Variants in KIAA1671 observed in about 807,000 individuals in gnomAD.
KIAA1671 encodes the protein uncharacterized protein KIAA1671.
KIAA1671 carries 52 observed loss-of-function variants against 131.2 expected under a neutral mutation model. That is an observed-to-expected ratio of 0.40 (90% CI 0.32 to 0.50). KIAA1671 has a LOEUF of 0.50. Ranked by LOEUF, KIAA1671 falls within the 20% of genes least tolerant of loss-of-function variation. The pLI, the probability that KIAA1671 is intolerant of heterozygous loss-of-function variation, is 0.73. For synonymous variants in KIAA1671, 1,003 were observed against 961.6 expected (o/e 1.04, Z -0.80); for missense variants, 2,360 against 2,364.2 (o/e 1.00, Z 0.04).
rs1602089757 is a variant in KIAA1671, at chr22:25,039,845, A to G, written c.2715A>G (p.Ala905=). The change falls in exon 5 of 13, where the codon GCA becomes GCG. Residue 905 remains alanine (A), a synonymous_variant. Transcript: ENST00000358431. ...SDSQARTHPD[A]FAVQKGPFIV... is the part of the protein sequence containing the mutation. ...CCCAAGCACGAACACATCCAGATGC[A>G]TTTGCTGTGCAGAAAGGGCCCTTCA... 6.5e-7 allele frequency: 1 copy of G among 1,549,654 alleles called. No homozygotes were observed. The highest frequency in any genetic ancestry group is 2.4e-5 in the East Asian group (1 of 40,868).
At chr22:25,093,934 G>A (rs754394561) in intron 6 of KIAA1671, among the ~76,000 whole-genome samples, 3 of 145,842 alleles carry the variant, frequency 2.1e-5, no homozygotes, top group Non-Finnish European at 3.0e-5. Context: ...ATGCTGGTTT[G>A]CAGGCACTTT....
chr22:25,178,776 C>G (rs1397559426), intron 9 of KIAA1671, among the ~76,000 whole-genome samples: 1 of 152,142 alleles, frequency 6.6e-6, no homozygotes, highest in Admixed American at 6.5e-5. Context: ...AGCTGCAGCC[C>G]CCACCCACCC....
chr22:25,003,341 T>C (rs534541900), intron 1 of KIAA1671, among the ~76,000 whole-genome samples: 16 of 152,048 alleles, frequency 1.1e-4, no homozygotes, highest in African/African-American at 3.6e-4. Context: ...ACATAAAACT[T>C]ACAACTACAC....
In KIAA1671 at chr22:25,101,128, C is replaced by G. The variant is rs568303573; in HGVS notation, c.4530+51764C>G. Among the ~76,000 whole-genome samples the G allele has an allele frequency of 1.3e-3, 191 of 152,306 alleles. 1 individual carries two copies. The highest frequency in any genetic ancestry group is 6.7e-3 in the Admixed American group (103 of 15,308). On this transcript the variant is annotated intron_variant, in intron 6 of 12. Coordinates refer to ENST00000358431, the MANE Select transcript of KIAA1671 (RefSeq NM_001145206.2). ...CTGTGGTGGAAAGAAACGTGTTGTC[C>G]AGCCCCAGGCAGTGTGGCCAAAGAT...
intron 1 of KIAA1671, among the ~76,000 whole-genome samples, chr22:24,974,794 G>A (rs1922831719): frequency 6.9e-6 from 1 of 144,986 alleles, no homozygotes; most frequent in South Asian, 2.2e-4. Context: ...CCGGCTTCAA[G>A]CAATTCTCCT....
intron 1 of KIAA1671, chr22:25,010,799 A>G (rs1440987567): frequency 4.6e-5 from 7 of 152,214 alleles, no homozygotes; most frequent in African/African-American, 1.7e-4. Flanking sequence ...TTTTCACATA[A>G]AAAATCAAGA....
intron 10 of KIAA1671, among the ~76,000 whole-genome samples, chr22:25,183,912 G>T (rs180722752): frequency 1.3e-5 from 2 of 149,794 alleles, no homozygotes; most frequent in African/African-American, 4.9e-5. Flanking sequence ...GTAGCCTAAC[G>T]CAGGAGGCAG....
chr22:25,020,952 G>A (rs878859558), intron 1 of KIAA1671, among the ~76,000 whole-genome samples: 21 of 152,304 alleles, frequency 1.4e-4, no homozygotes, highest in South Asian at 4.1e-4. Context: ...ACACGGGGGC[G>A]TTAAGCAGGG....
chr22:24,997,330 T>C (rs1822485827), intron 1 of KIAA1671, among the ~76,000 whole-genome samples: 1 of 152,174 alleles, frequency 6.6e-6, no homozygotes, highest in African/African-American at 2.4e-5. Flanking sequence ...TCACGAGTAC[T>C]GATGTCACTC....
In KIAA1671 at chr22:25,169,555, C is replaced by G. The variant is rs376327194; in HGVS notation, c.4531-1265C>G. ...ACTTTTGGTTTTGTCTTGAGGGCAC[C>G]AGCTTCTCCCCACTCAACAAAGCAC... On this transcript the variant is annotated intron_variant, in intron 6 of 12. Transcript: ENST00000358431. Among the ~76,000 whole-genome samples, 4 of 152,306 alleles carry G rather than the reference C, an allele frequency of 2.6e-5. No individual in the cohort carries two copies. In the East Asian group the frequency reaches 7.7e-4, roughly 29 times the overall value.
At chr22:25,177,002 G>A in intron 8 of KIAA1671, 1 of 259,026 alleles carries the variant, frequency 3.9e-6, no homozygotes, top group African/African-American at 2.2e-5. Flanking sequence ...CTCCTGCTGT[G>A]TACTGATCAT....
intron 6 of KIAA1671, among the ~76,000 whole-genome samples, chr22:25,096,576 G>A (rs754876104): frequency 6.6e-6 from 1 of 152,122 alleles, no homozygotes; most frequent in Non-Finnish European, 1.5e-5. Flanking sequence ...TCAAAGTTCT[G>A]CCTATTACAA....
At chr22:24,971,145 G>A (rs964133063) in intron 1 of KIAA1671, among the ~76,000 whole-genome samples, 4 of 152,028 alleles carry the variant, frequency 2.6e-5, no homozygotes, top group Admixed American at 2.0e-4. Flanking sequence ...TAGTAGAGAC[G>A]GGGTTTCACC....
At chr22:25,121,279 G>A (rs191096039) in intron 6 of KIAA1671, among the ~76,000 whole-genome samples, 76 of 152,144 alleles carry the variant, frequency 5.0e-4, no homozygotes, top group African/African-American at 1.8e-3. Context: ...TGGCTAACAC[G>A]GTGAAAACCT....
At position 25,120,959 on chromosome 22, in the gene KIAA1671, G is replaced by GA. The variant is rs533171165; in HGVS notation, c.4531-49861_4531-49860insA. 5.8e-3 allele frequency among the ~76,000 whole-genome samples: 882 copies of GA among 152,282 alleles called. 5 individuals carry two copies. The highest frequency in any genetic ancestry group is 0.023 in the South Asian group (110 of 4,808). ...TCTGGATTTCTGAGAGGTCCCCGAG[G>GA]TTTAAGTAAGCTCACGTTGCTTTCT... On this transcript the variant is annotated intron_variant, in intron 6 of 12. Coordinates refer to ENST00000358431, the MANE Select transcript of KIAA1671 (RefSeq NM_001145206.2).
intron 6 of KIAA1671, among the ~76,000 whole-genome samples, chr22:25,123,625 T>G (rs976344823): frequency 6.6e-6 from 1 of 152,134 alleles, no homozygotes; most frequent in Non-Finnish European, 1.5e-5. Flanking sequence ...GGTGAGGAAC[T>G]GAAGCCTCCA....
chr22:24,977,593 G>T (rs1428854325), intron 1 of KIAA1671, among the ~76,000 whole-genome samples: 1 of 152,208 alleles, frequency 6.6e-6, no homozygotes, highest in Non-Finnish European at 1.5e-5. Flanking sequence ...GGCTCCAAAG[G>T]GCCCCACGGG....
chr22:24,998,747 T>A lies in KIAA1671; in HGVS notation c.-207-26886T>A, dbSNP rs555007500. 6.0e-5 allele frequency among the ~76,000 whole-genome samples: 9 copies of A among 151,144 alleles called. No homozygotes were observed. The East Asian group carries it at 1.2e-3, about 20-fold the overall frequency. On this transcript the variant is annotated intron_variant, in intron 1 of 12. Coordinates refer to ENST00000358431, the MANE Select transcript of KIAA1671 (RefSeq NM_001145206.2). Reference sequence around the variant, plus strand: ...AAAAAAAAAAAAAAGAAATTGCATTTAATACTCTCATAAATGATCACCTAT... The same window carrying A: ...AAAAAAAAAAAAAAGAAATTGCATTAAATACTCTCATAAATGATCACCTAT...
chr22:25,002,188 G>GA (rs1411968370), intron 1 of KIAA1671, among the ~76,000 whole-genome samples: 1 of 152,012 alleles, frequency 6.6e-6, no homozygotes, highest in Non-Finnish European at 1.5e-5. Flanking sequence ...AATGATCCAG[G>GA]AAAAAAACCA....
Sources: gnomAD v4.1 joint callset for allele counts (sites outside exome capture counted in the v4.1 genomes callset) on GRCh38, gnomAD v4.1.1 for gene constraint, MANE v1.5 for transcripts, NCBI Gene and HGNC (gene_info 2026-07-23, HGNC 2026-07-21) for gene names.